Variants in MAML3 observed in about 807,000 individuals in gnomAD.
MAML3 encodes the protein mastermind like transcriptional coactivator 3.
Under a neutral mutation model 101.9 loss-of-function variants are expected in MAML3, and 27 were observed. That is an observed-to-expected ratio of 0.27 (90% CI 0.20 to 0.37). The LOEUF (loss-of-function observed/expected upper bound fraction) is 0.37. Among genes scored for constraint, MAML3 ranks in the 10% least tolerant of loss-of-function variants. MAML3 has a pLI of 1.00. For missense variants in MAML3, 1,316 were observed against 1,444.9 expected (o/e 0.91, Z 1.45); for synonymous variants, 501 against 555.9 (o/e 0.90, Z 1.39).
intron 1 of MAML3, among the ~76,000 whole-genome samples, chr4:140,141,720 C>A (rs60735023): frequency 5.9e-5 from 9 of 152,140 alleles, no homozygotes; most frequent in Admixed American, 2.0e-4. Context: ...GCCAAATACA[C>A]GGCCTTTAAA....
chr4:139,984,338 A>T (rs1282347132), intron 1 of MAML3, among the ~76,000 whole-genome samples: 1 of 152,214 alleles, frequency 6.6e-6, no homozygotes, highest in African/African-American at 2.4e-5. Flanking sequence ...TGAGATGGAA[A>T]GAAAAGGATA....
At chr4:139,849,313 G>A (rs1300872340) in intron 2 of MAML3, among the ~76,000 whole-genome samples, 1 of 152,210 alleles carries the variant, frequency 6.6e-6, no homozygotes, top group Non-Finnish European at 1.5e-5. Flanking sequence ...CTCTGGACCA[G>A]AGACTAAGTG....
At chr4:139,858,738 C>T (rs759528684) in intron 2 of MAML3, among the ~76,000 whole-genome samples, 97 of 152,182 alleles carry the variant, frequency 6.4e-4, no homozygotes, top group African/African-American at 2.2e-3. Context: ...CTGTGATCAC[C>T]CGGGCAGCTC....
chr4:139,997,261 G>A (rs1224004896), intron 1 of MAML3, among the ~76,000 whole-genome samples: 1 of 150,120 alleles, frequency 6.7e-6, no homozygotes, highest in African/African-American at 2.4e-5. Context: ...GCTTTCTTTT[G>A]TGTTAAATAC....
chr4:139,913,657 G>C (rs1732973755), intron 1 of MAML3, among the ~76,000 whole-genome samples: 1 of 152,144 alleles, frequency 6.6e-6, no homozygotes, highest in South Asian at 2.1e-4. Flanking sequence ...AAGGGGCTGT[G>C]GGGGTGTCAG....
chr4:140,016,319 A>G (rs1358561444), intron 1 of MAML3, among the ~76,000 whole-genome samples: 1 of 152,236 alleles, frequency 6.6e-6, no homozygotes, highest in Non-Finnish European at 1.5e-5. Flanking sequence ...ATACTGCATT[A>G]ATGGATTGGA....
chr4:140,004,699 G>T (rs1726417332), intron 1 of MAML3, among the ~76,000 whole-genome samples: 1 of 151,994 alleles, frequency 6.6e-6, no homozygotes, highest in South Asian at 2.1e-4. Context: ...GAAAAACGCA[G>T]CGCTCACGGG....
chr4:140,126,778 C>G (rs1201659249), intron 1 of MAML3, among the ~76,000 whole-genome samples: 1 of 152,190 alleles, frequency 6.6e-6, no homozygotes, highest in Non-Finnish European at 1.5e-5. Context: ...ATGTCCAAAA[C>G]CAAACATCTT....
chr4:139,949,087 C>A (rs6840012), intron 1 of MAML3, among the ~76,000 whole-genome samples: 57,311 of 151,876 alleles, frequency 0.38, 11,318 homozygotes, highest in African/African-American at 0.48. Flanking sequence ...GCGATCTCGG[C>A]TCACTGCAAC....
chr4:139,836,319 G>A lies in MAML3; in HGVS notation c.2079+53038C>T, dbSNP rs146470503. On this transcript the variant is annotated intron_variant, in intron 2 of 4. Transcript: ENST00000509479. Reference sequence around the variant, plus strand: ...TGTCTGTTTCACCCGCCTATCGTCTGCCAGCTCATCAGTAAATGAAAAAAG... The same window carrying A: ...TGTCTGTTTCACCCGCCTATCGTCTACCAGCTCATCAGTAAATGAAAAAAG... Among the ~76,000 whole-genome samples, 515 of 152,266 alleles carry A rather than the reference G, an allele frequency of 3.4e-3. 4 individuals are homozygous for A. The highest frequency in any genetic ancestry group is 0.011 in the African/African-American group (463 of 41,550).
intron 1 of MAML3, among the ~76,000 whole-genome samples, chr4:139,912,892 T>A (rs752360848): frequency 1.6e-4 from 25 of 152,184 alleles, no homozygotes; most frequent in Non-Finnish European, 3.1e-4. Flanking sequence ...CCATTTCTAG[T>A]GTATTAAGCC....
chr4:140,119,584 A>AT (rs35526106), intron 1 of MAML3, among the ~76,000 whole-genome samples: 1 of 135,492 alleles, frequency 7.4e-6, no homozygotes, highest in African/African-American at 2.9e-5. Context: ...GGGATACACA[A>AT]TTTTTTCCCC....
chr4:139,889,195 G>A (rs776961837), intron 2 of MAML3, 162 bp downstream of exon 2: 1 of 1,361,240 alleles, frequency 7.3e-7, no homozygotes, highest in Admixed American at 1.7e-5. Context: ...AGGAGAAATG[G>A]AAAAAGAACA....
chr4:140,117,824 C>G (rs1480742029), intron 1 of MAML3, among the ~76,000 whole-genome samples: 1 of 151,930 alleles, frequency 6.6e-6, no homozygotes, highest in African/African-American at 2.4e-5. Context: ...ATGAGATTAT[C>G]AAAGGAGCCC....
At chr4:139,877,241 G>A (rs1054878060) in intron 2 of MAML3, among the ~76,000 whole-genome samples, 1 of 152,114 alleles carries the variant, frequency 6.6e-6, no homozygotes, top group Non-Finnish European at 1.5e-5. Flanking sequence ...TAGATCCGCT[G>A]CAAACCATTT....
chr4:139,772,637 C>T (rs1320557401), intron 2 of MAML3, among the ~76,000 whole-genome samples: 3 of 151,996 alleles, frequency 2.0e-5, no homozygotes, highest in Non-Finnish European at 4.4e-5. Context: ...GCCACTGCGC[C>T]TGGCCAAAGT....
At chr4:139,804,122 G>A (rs1325930071) in intron 2 of MAML3, among the ~76,000 whole-genome samples, 1 of 152,162 alleles carries the variant, frequency 6.6e-6, no homozygotes, top group East Asian at 1.9e-4. Flanking sequence ...CTTCTCATCT[G>A]ATGAGTGAGA....
At position 139,725,756 on chromosome 4, in the gene MAML3, A is replaced by G. The variant is rs1347496300; in HGVS notation, c.2411T>C (p.Phe804Ser). Reference protein sequence around the residue: ...NPYPVQQVNQFQGSPQDIAAV... With the variant: ...NPYPVQQVNQSQGSPQDIAAV... ...AGAGGTTGCACTGGCCTCACCTTGA[A>G]ACTGATTGACCTGCTGCACTGGGTA... is the stretch of plus-strand genomic sequence containing the variant. The change falls in exon 4 of 5, where the codon TTT becomes TCT. Residue 804 changes from phenylalanine (F) to serine (S), a missense_variant. By Grantham distance (155) the Phe-to-Ser change is radical. Transcript: ENST00000509479. The G allele has an allele frequency of 8.1e-6, 13 of 1,613,892 alleles. No homozygotes were observed. The highest frequency in any genetic ancestry group is 1.1e-5 in the Non-Finnish European group (13 of 1,179,844).
chr4:139,786,170 C>G (rs1343664664), intron 2 of MAML3, among the ~76,000 whole-genome samples: 1 of 151,966 alleles, frequency 6.6e-6, no homozygotes, highest in Non-Finnish European at 1.5e-5. Context: ...GAGGCAGAGG[C>G]CTTCAGAAGA....
Sources: allele counts gnomAD v4.1 joint callset (sites outside exome capture counted in the v4.1 genomes callset), GRCh38; gene constraint gnomAD v4.1.1; transcripts MANE v1.5; gene names NCBI Gene and HGNC (gene_info 2026-07-23, HGNC 2026-07-21).